GABRA3: variants seen among roughly 807,000 people sequenced by gnomAD.
GABRA3 encodes the protein gamma-aminobutyric acid receptor subunit alpha-3.
GABRA3 carries 10 observed loss-of-function variants against 30.1 expected under a neutral mutation model. That is an observed-to-expected ratio of 0.33 (90% CI 0.20 to 0.56). The LOEUF (loss-of-function observed/expected upper bound fraction) is 0.56. GABRA3 is among the 20% of genes least tolerant of loss of function. The pLI, the probability that GABRA3 is intolerant of heterozygous loss-of-function variation, is 0.89. For missense variants in GABRA3, 233 were observed against 392.0 expected, an observed-to-expected ratio of 0.59 and a Z score of 3.42; for synonymous variants, 151 against 146.8, an observed-to-expected ratio of 1.03 and a Z score of -0.21.
At chrX:152,193,308 G>T (rs1213652010) in intron 8 of GABRA3, among the ~76,000 whole-genome samples, 2 of 111,396 alleles carry the variant, frequency 1.8e-5, no homozygotes, top group Non-Finnish European at 3.8e-5. Context: ...CTTGTGTCTG[G>T]CTTCCTCCAC....
chrX:152,359,753 T>C (rs762311214), intron 2 of GABRA3, among the ~76,000 whole-genome samples: 15 of 111,711 alleles, frequency 1.3e-4, no homozygotes, highest in African/African-American at 4.9e-4. Context: ...TATTTGTATC[T>C]TTGTTCTCAT....
intron 2 of GABRA3, among the ~76,000 whole-genome samples, chrX:152,346,198 G>A (rs1041981688): frequency 9.0e-6 from 1 of 111,425 alleles, no homozygotes; most frequent in African/African-American, 3.3e-5. Flanking sequence ...ATGGGGAAAG[G>A]GAAAACTATT....
In GABRA3 at chrX:152,394,190, G is replaced by C. The variant is rs182452599; in HGVS notation, c.-26-29594C>G. Reference sequence around the variant, plus strand: ...AAACTGAAGCATGAAGATACGAATTGATGTGTCCATTTCATGAACTGATGT... The same window carrying C: ...AAACTGAAGCATGAAGATACGAATTCATGTGTCCATTTCATGAACTGATGT... On this transcript the variant is annotated intron_variant, in intron 1 of 9. Transcript: ENST00000370314. Among the ~76,000 whole-genome samples, 396 of 111,830 alleles carry C rather than the reference G, an allele frequency of 3.5e-3. 9 individuals carry two copies. Among genetic ancestry groups the C allele is most frequent in the Admixed American group, 0.034 (356 of 10,458 alleles).
chrX:152,266,347 G>A (rs771143836), intron 4 of GABRA3, among the ~76,000 whole-genome samples: 4 of 111,646 alleles, frequency 3.6e-5, no homozygotes, highest in African/African-American at 6.5e-5. Context: ...CAGTCAATGC[G>A]ATACAGCATA....
chrX:152,215,054 A>T (rs78986314), intron 6 of GABRA3, among the ~76,000 whole-genome samples: 48,144 of 100,480 alleles, frequency 0.48, 9,533 homozygotes, highest in Non-Finnish European at 0.64. Context: ...ATATATATAT[A>T]TTTTTTTATA....
chrX:152,232,460 T>C (rs1938100517), intron 5 of GABRA3, among the ~76,000 whole-genome samples: 1 of 110,180 alleles, frequency 9.1e-6, no homozygotes. Context: ...TTCCACTCTC[T>C]ATGTCGATGT....
At chrX:152,357,298 G>A (rs1438223661) in intron 2 of GABRA3, among the ~76,000 whole-genome samples, 1 of 111,587 alleles carries the variant, frequency 9.0e-6, no homozygotes, top group African/African-American at 3.3e-5. Context: ...GTTATAATTT[G>A]ACTTTTTAAT....
chrX:152,450,735 C>T (rs745982768), intron 1 of GABRA3, among the ~76,000 whole-genome samples: 1 of 111,862 alleles, frequency 8.9e-6, no homozygotes, highest in East Asian at 2.9e-4. Flanking sequence ...TACTACATCC[C>T]TGGTGCCTAG....
chrX:152,283,256 A>G (rs1939229127), intron 4 of GABRA3, among the ~76,000 whole-genome samples: 1 of 111,308 alleles, frequency 9.0e-6, no homozygotes, highest in Non-Finnish European at 1.9e-5. Flanking sequence ...TCCATTCCTT[A>G]TATCTTACAT....
intron 1 of GABRA3, among the ~76,000 whole-genome samples, chrX:152,422,121 T>C (rs1360959289): frequency 1.4e-4 from 16 of 111,654 alleles, no homozygotes; most frequent in South Asian, 3.7e-4. Context: ...ACATTACTTA[T>C]AATAGTATCA....
At chrX:152,428,528 A>C (rs989313206) in intron 1 of GABRA3, among the ~76,000 whole-genome samples, 1 of 112,030 alleles carries the variant, frequency 8.9e-6, no homozygotes, top group Non-Finnish European at 1.9e-5. Flanking sequence ...AAAACAGAGG[A>C]AGGTTGCATT....
intron 9 of GABRA3, among the ~76,000 whole-genome samples, chrX:152,178,552 AG>A: frequency 8.9e-6 from 1 of 112,034 alleles, no homozygotes; most frequent in South Asian, 3.7e-4. Flanking sequence ...ATTTTATTCT[AG>A]AGCATTTGAA....
chrX:152,438,841 T>C (rs1208710512), intron 1 of GABRA3, among the ~76,000 whole-genome samples: 2 of 111,320 alleles, frequency 1.8e-5, no homozygotes, highest in Non-Finnish European at 3.8e-5. Flanking sequence ...TGAACAGGTA[T>C]ATAACAGGAG....
chrX:152,394,951 A>T (rs1032026587), intron 1 of GABRA3, among the ~76,000 whole-genome samples: 8 of 111,572 alleles, frequency 7.2e-5, no homozygotes, highest in African/African-American at 2.3e-4. Context: ...GTCCAGTCAG[A>T]CACCTACAGG....
chrX:152,198,224 A>T (rs1257481278), intron 7 of GABRA3, among the ~76,000 whole-genome samples: 1 of 112,031 alleles, frequency 8.9e-6, no homozygotes, highest in Admixed American at 9.5e-5. Context: ...AGCAACTTGC[A>T]TAAGGTTACA....
intron 9 of GABRA3, among the ~76,000 whole-genome samples, chrX:152,182,344 G>GTA (rs762441822): frequency 8.4e-5 from 8 of 95,756 alleles, no homozygotes; most frequent in South Asian, 4.9e-4. Flanking sequence ...CACAGTGTAT[G>GTA]TATATATATA....
intron 8 of GABRA3, among the ~76,000 whole-genome samples, chrX:152,195,612 T>TC (rs1937375264): frequency 9.0e-6 from 1 of 111,509 alleles, no homozygotes; most frequent in African/African-American, 3.3e-5. Flanking sequence ...TCACTCATGA[T>TC]CCCCTTCCTC....
Position 152,275,729 on chromosome X carries a change from G to T in GABRA3, c.330+8939C>A, listed in dbSNP as rs888287505. 9.3e-5 allele frequency among the ~76,000 whole-genome samples: 10 copies of T among 107,990 alleles called. No individual in the cohort carries two copies. The South Asian group carries it at 3.8e-3, about 41-fold the overall frequency. 93.8% of individuals were successfully genotyped at this position (107,990 alleles called of 115,157 possible). A position where few individuals can be genotyped will look rare whatever the true frequency, so the allele number is the denominator to read the frequency against. ...AGTCGAGATCGTGCAACTGCACTCC[G>T]GCCTGGACAACAGAGTGAGATTCCA... is the stretch of plus-strand genomic sequence containing the variant. On this transcript the variant is annotated intron_variant, in intron 4 of 9. Transcript: ENST00000370314.
intron 5 of GABRA3, among the ~76,000 whole-genome samples, chrX:152,246,948 T>C (rs757246240): frequency 1.1e-3 from 125 of 112,043 alleles, no homozygotes; most frequent in Non-Finnish European, 1.6e-3. Context: ...CCAAATGCTT[T>C]CCCTGGTTCC....
Sources: gnomAD v4.1 joint callset for allele counts (sites outside exome capture counted in the v4.1 genomes callset) on GRCh38, gnomAD v4.1.1 for gene constraint, MANE v1.5 for transcripts, NCBI Gene and HGNC (gene_info 2026-07-23, HGNC 2026-07-21) for gene names.